YY1AP1: variants seen among roughly 807,000 people sequenced by gnomAD.
YY1AP1 encodes YY1 associated protein 1.
YY1AP1 carries 43 observed loss-of-function variants against 39.9 expected under a neutral mutation model. The observed-to-expected ratio is 1.08, with a 90% confidence interval of 0.84 to 1.39. YY1AP1 has a LOEUF of 1.39. Among genes scored for constraint, YY1AP1 ranks in the 40% most tolerant of loss-of-function variants. The pLI, the probability that YY1AP1 is intolerant of heterozygous loss-of-function variation, is 0.00. For synonymous variants in YY1AP1, 292 were observed against 331.3 expected (o/e 0.88, Z 1.29); for missense variants, 813 against 900.7 (o/e 0.90, Z 1.25).
At chr1:155,666,378 C>T (rs1235768396) in intron 9 of YY1AP1, among the ~76,000 whole-genome samples, 2 of 152,166 alleles carry the variant, frequency 1.3e-5, no homozygotes, top group African/African-American at 2.4e-5. Context: ...GCCTTGGCCT[C>T]CCAAAGTGCT....
upstream of YY1AP1, chr1:155,688,827 T>G (rs546473729): frequency 1.9e-6 from 3 of 1,574,720 alleles, no homozygotes; most frequent in African/African-American, 1.4e-5. Flanking sequence ...GTTCCATTCC[T>G]GGCGGCTGCA....
At chr1:155,675,932 AAAAGG>A (rs1650583618) in intron 5 of YY1AP1, among the ~76,000 whole-genome samples, 1 of 152,182 alleles carries the variant, frequency 6.6e-6, no homozygotes, top group South Asian at 2.1e-4. Context: ...CTGAGATTAG[AAAAGG>A]AAAAGGCCGG....
chr1:155,676,986 AT>A (rs1650787461), intron 4 of YY1AP1, among the ~76,000 whole-genome samples: 2 of 152,188 alleles, frequency 1.3e-5, no homozygotes, highest in Non-Finnish European at 2.9e-5. Context: ...CTTCCAAATA[AT>A]ATACAAATGA....
intron 6 of YY1AP1, among the ~76,000 whole-genome samples, chr1:155,674,160 CAAAAAAAAAAAA>C (rs59337809): frequency 0.45 from 33,766 of 75,262 alleles, 5,103 homozygotes; most frequent in East Asian, 0.74. Flanking sequence ...GACTCCGTCT[CAAAAAAAAAAAA>C]AAAAAAAAAA....
At chr1:155,660,965 A>G (rs1648009882) in intron 10 of YY1AP1, 52 bp from the exon 11 acceptor site, 1 of 1,612,634 alleles carries the variant, frequency 6.2e-7, no homozygotes. Flanking sequence ...TTTGGGAAAA[A>G]GAATAGGACT....
intron 7 of YY1AP1, among the ~76,000 whole-genome samples, chr1:155,671,451 A>G (rs1649857492): frequency 6.6e-6 from 1 of 151,926 alleles, no homozygotes; most frequent in Admixed American, 6.6e-5. Flanking sequence ...AAAAGAAAAA[A>G]GATTCCAACT....
chr1:155,680,289 C>A, intron 3 of YY1AP1, 127 bp downstream of exon 3: 1 of 1,030,008 alleles, frequency 9.7e-7, no homozygotes. Context: ...ATATTCTTTC[C>A]CAGGTAGACT....
Position 155,661,317 on chromosome 1 carries a change from A to G in YY1AP1, c.986T>C (p.Phe329Ser), listed in dbSNP as rs1187632357. The change falls in exon 10 of 11, where the codon TTC (phenylalanine) becomes TCC (serine). Residue 329 changes from phenylalanine (F) to serine (S), a missense_variant. By Grantham distance (155) the Phe-to-Ser change is radical. This residue lies in a region of YY1AP1 where 586 missense variants were observed against 647.4 expected (regional missense o/e 0.91). Transcript: ENST00000355499. ...PIEREEHRLP[F>S]WLKASLPSIQ... ...GGAAGAGGGCTGTACCTTTAACCAG[A>G]ATGGGAGCCGGTGTTCTTCTCTCTC... 4 of 1,613,732 alleles carry G rather than the reference A, an allele frequency of 2.5e-6. No homozygotes were observed. The highest frequency in any genetic ancestry group is 3.4e-6 in the Non-Finnish European group (4 of 1,179,844).
At chr1:155,685,489 T>C (rs1652084261) in intron 2 of YY1AP1, among the ~76,000 whole-genome samples, 1 of 152,184 alleles carries the variant, frequency 6.6e-6, no homozygotes, top group Non-Finnish European at 1.5e-5. Context: ...AAAAAGACGC[T>C]TCTCAGAGTT....
chr1:155,660,137 G>A lies in YY1AP1; in HGVS notation c.1773C>T (p.Ala591=), dbSNP rs397834368. Reference sequence around the variant, plus strand: ...AGGAAGTAGGGTTAACCAAGAGGGTGGCGATGGGAATAGTCTGGGGACTCT... The same window carrying A: ...AGGAAGTAGGGTTAACCAAGAGGGTAGCGATGGGAATAGTCTGGGGACTCT... ...VAQSPQTIPI[A]TLLVNPTSFP... is the part of the protein sequence containing the mutation. Residue 591 remains alanine (A), a synonymous_variant, in exon 11 of 11, where the codon GCC becomes GCT. Coordinates refer to ENST00000355499, the MANE Select transcript of YY1AP1 (RefSeq NM_139119.3). 5.7e-4 allele frequency: 921 copies of A among 1,613,128 alleles called. No homozygotes were observed. Among genetic ancestry groups the A allele is most frequent in the Non-Finnish European group, 7.3e-4 (856 of 1,178,990 alleles).
chr1:155,674,916 A>T, intron 6 of YY1AP1, 94 bp downstream of exon 6: 4 of 1,101,412 alleles, frequency 3.6e-6, no homozygotes, highest in Non-Finnish European at 5.4e-6. Flanking sequence ...AAGCCACAGC[A>T]ATCAAAAATA....
intron 9 of YY1AP1, among the ~76,000 whole-genome samples, chr1:155,662,268 A>G (rs1184539104): frequency 1.3e-5 from 2 of 152,114 alleles, no homozygotes; most frequent in African/African-American, 2.4e-5. Flanking sequence ...AGGCGGGCAG[A>G]TCACTTGAGA....
chr1:155,676,763 T>A lies in YY1AP1; in HGVS notation c.126-17A>T. ...TCCTCAAACCTATCCCAAACGGGGATGACTGAATTTGAGTGTTTTCCTAGG... is the reference window on the plus strand; with the variant it reads ...TCCTCAAACCTATCCCAAACGGGGAAGACTGAATTTGAGTGTTTTCCTAGG... On this transcript the variant is annotated splice_polypyrimidine_tract_variant and intron_variant, in intron 4 of 10. Transcript: ENST00000355499. The A allele has an allele frequency of 6.2e-7, 1 of 1,613,030 alleles. No individual in the cohort carries two copies. Among genetic ancestry groups the A allele is most frequent in the Non-Finnish European group, 8.5e-7 (1 of 1,179,374 alleles).
At position 155,672,425 on chromosome 1, in the gene YY1AP1, G is replaced by A. The variant is rs1324440914; in HGVS notation, c.583+135C>T. 15 of 931,064 alleles carry A rather than the reference G, an allele frequency of 1.6e-5. No homozygotes were observed. The Admixed American group carries it at 2.6e-4, about 16-fold the overall frequency. The allele number at this position is 931,064 out of a possible 1,614,324, so 57.7% of individuals were successfully genotyped here. A position where few individuals can be genotyped will look rare whatever the true frequency, so the allele number is the denominator to read the frequency against. On this transcript the variant is annotated intron_variant, in intron 7 of 10. Transcript: ENST00000355499. ...TAATGAGTACAAAGGGAGGATAAAA[G>A]AGAGAAGGAAGAAATTACAAATGTC...
chr1:155,661,878 G>A (rs1055396307), intron 9 of YY1AP1, among the ~76,000 whole-genome samples: 1 of 151,968 alleles, frequency 6.6e-6, no homozygotes, highest in Non-Finnish European at 1.5e-5. Context: ...GGATGGTCTC[G>A]ATCTCCTGAC....
chr1:155,666,498 T>C (rs566496582), intron 9 of YY1AP1, among the ~76,000 whole-genome samples: 22 of 152,270 alleles, frequency 1.4e-4, no homozygotes, highest in Non-Finnish European at 3.2e-4. Flanking sequence ...AGTGAGGAGT[T>C]TGGAGAGCAG....
intron 6 of YY1AP1, chr1:155,674,732 A>C (rs1429874367): frequency 4.0e-6 from 1 of 250,588 alleles, no homozygotes; most frequent in African/African-American, 2.3e-5. Flanking sequence ...AGGCTGAGGC[A>C]GGAGAATCAC....
rs755124205 is a variant in YY1AP1 at position 155,659,886 on chromosome 1, A to C, written c.2024T>G (p.Val675Gly). 2 of 1,614,164 alleles carry C rather than the reference A, an allele frequency of 1.2e-6. No homozygotes were observed. Among genetic ancestry groups the C allele is most frequent in the Admixed American group, 3.3e-5 (2 of 60,016 alleles). ...SPLSATVFPK[V>G]EHSPGPPPVD... ...TGGTGGAGGCCCTGGGCTATGTTCC[A>C]CTTTGGGGAAAACAGTAGCAGAGAG... Residue 675 changes from valine to glycine, a missense_variant, in exon 11 of 11, where the codon GTG becomes GGG. Coordinates refer to ENST00000355499, the MANE Select transcript of YY1AP1 (RefSeq NM_139119.3).
chr1:155,673,792 A>T (rs1283413746), intron 6 of YY1AP1, among the ~76,000 whole-genome samples: 1 of 151,760 alleles, frequency 6.6e-6, no homozygotes, highest in African/African-American at 2.4e-5. Context: ...GGCTCAAGCA[A>T]TCCTCCCACC....
Sources: allele counts gnomAD v4.1 joint callset (sites outside exome capture counted in the v4.1 genomes callset), GRCh38; gene constraint gnomAD v4.1.1; regional missense constraint gnomAD v4.1.1; transcripts MANE v1.5; gene names NCBI Gene and HGNC (gene_info 2026-07-23, HGNC 2026-07-21).